CFAP74: variants seen among roughly 807,000 people sequenced by gnomAD.
The protein encoded by CFAP74 is cilia and flagella associated protein 74.
CFAP74 carries 124 observed loss-of-function variants against 188.9 expected under a neutral mutation model. The ratio of observed to expected loss-of-function variants is 0.66; its 90% confidence interval spans 0.57 to 0.76. The LOEUF (loss-of-function observed/expected upper bound fraction) is 0.76. CFAP74 is among the 30% of genes least tolerant of loss of function. The pLI, the probability that CFAP74 is intolerant of heterozygous loss-of-function variation, is 0.00. For synonymous variants in CFAP74, 956 were observed against 916.7 expected, an observed-to-expected ratio of 1.04 and a Z score of -0.77; for missense variants, 2,198 against 2,165.2, an observed-to-expected ratio of 1.02 and a Z score of -0.30.
rs1657177876 is a variant in CFAP74 at position 1,985,499 on chromosome 1, G to A, written c.396-9C>T. On this transcript the variant is annotated splice_polypyrimidine_tract_variant and intron_variant, in intron 5 of 38. Coordinates refer to ENST00000682832, the MANE Select transcript of CFAP74 (RefSeq NM_001304360.2). ...GGCGGCCCACAGCGGCCCTGCAGTG[G>A]TGAACGGACAGGCCGGGCGTGTGTC... 3 of 1,610,932 alleles carry A rather than the reference G, an allele frequency of 1.9e-6. No homozygotes were observed. The highest frequency in any genetic ancestry group is 1.3e-5 in the African/African-American group (1 of 74,878).
intron 6 of CFAP74, among the ~76,000 whole-genome samples, chr1:1,976,399 C>T (rs1007952009): frequency 6.6e-6 from 1 of 152,250 alleles, no homozygotes; most frequent in East Asian, 1.9e-4. Context: ...CCTCTTGCTT[C>T]CCCTCTCACC....
At chr1:1,963,038 G>A (rs571631702) in intron 14 of CFAP74, among the ~76,000 whole-genome samples, 1 of 152,194 alleles carries the variant, frequency 6.6e-6, no homozygotes, top group African/African-American at 2.4e-5. Flanking sequence ...GTGAAAGCAC[G>A]GCCTTAATTC....
At chr1:1,950,431 C>A (rs2102056009) in intron 18 of CFAP74, among the ~76,000 whole-genome samples, 1 of 151,954 alleles carries the variant, frequency 6.6e-6, no homozygotes, top group East Asian at 1.9e-4. Context: ...ACTCCGCCTC[C>A]CAGGTTCAAG....
chr1:1,957,735 G>A (rs535862610), intron 16 of CFAP74, among the ~76,000 whole-genome samples: 1 of 151,922 alleles, frequency 6.6e-6, no homozygotes, highest in South Asian at 2.1e-4. Context: ...CTCCCAGGCT[G>A]AGCAGGAGGG....
intron 18 of CFAP74, among the ~76,000 whole-genome samples, chr1:1,948,470 C>G (rs924687895): frequency 1.3e-5 from 2 of 150,836 alleles, no homozygotes; most frequent in African/African-American, 4.9e-5. Context: ...TTATATTGCC[C>G]AGGCTGATCG....
intron 18 of CFAP74, among the ~76,000 whole-genome samples, chr1:1,951,653 C>G (rs61123457): frequency 0.073 from 11,153 of 152,170 alleles, 572 homozygotes; most frequent in South Asian, 0.19. Flanking sequence ...GTTATAATCA[C>G]CTTGTCAATT....
chr1:1,961,505 C>T (rs1294490439), intron 14 of CFAP74, among the ~76,000 whole-genome samples: 1 of 152,130 alleles, frequency 6.6e-6, no homozygotes, highest in Non-Finnish European at 1.5e-5. Flanking sequence ...GAGAAAATAA[C>T]CGTCCATGAG....
rs1311023347 is a variant in CFAP74 at position 1,926,260 on chromosome 1, C to T, written c.3916G>A (p.Val1306Met). The T allele has an allele frequency of 5.9e-6, 9 of 1,532,046 alleles. No homozygotes were observed. The highest frequency in any genetic ancestry group is 1.4e-5 in the African/African-American group (1 of 72,658). 94.9% of individuals were successfully genotyped at this position (1,532,046 alleles called of 1,614,324 possible). Residue 1306 changes from valine (V) to methionine (M), a missense_variant, in exon 32 of 39, where the codon GTG (valine) becomes ATG (methionine). By Grantham distance (21) the Val-to-Met change is conservative (BLOSUM62 1). Coordinates refer to ENST00000682832, the MANE Select transcript of CFAP74 (RefSeq NM_001304360.2). ...LLRAGGTQVL[V>M]LSFSPHESIL... ...CTCTCGTGGGGAGAGAAGGAAAGCA[C>T]CAGGACCTGGGTCCCACCTGCACGC...
chr1:1,944,519 C>T, intron 20 of CFAP74, 67 bp from the exon 21 acceptor site: 5 of 1,497,766 alleles, frequency 3.3e-6, no homozygotes, highest in Non-Finnish European at 4.5e-6. Flanking sequence ...TTGGTGAGCA[C>T]TGACACAGCT....
chr1:1,930,171 GC>G lies in CFAP74; in HGVS notation c.3176del (p.Arg1059ProfsTer54). ...SMSSPTHSKP[R>X]IGSEDASPMG... ...TGGGAGAGGCGTCCTCTGAGCCAAT[GC>G]GGGGCTTGGAGTGGGTCGGTGAGCT... On this transcript the variant is annotated frameshift_variant, in exon 26 of 39. Transcript: ENST00000682832. LOFTEE classifies it high-confidence loss of function. The G allele has an allele frequency of 6.5e-7, 1 of 1,535,696 alleles. No homozygotes were observed.
chr1:1,951,865 G>GT (rs79247616), intron 18 of CFAP74, among the ~76,000 whole-genome samples: 58,073 of 152,006 alleles, frequency 0.38, 13,611 homozygotes, highest in Admixed American at 0.52. Flanking sequence ...GAGGTCAGGA[G>GT]TTTGAGGCCA....
intron 6 of CFAP74, among the ~76,000 whole-genome samples, chr1:1,980,073 G>T (rs550541080): frequency 5.5e-4 from 78 of 142,636 alleles, no homozygotes; most frequent in Non-Finnish European, 1.0e-3. Flanking sequence ...CTTACCGCGT[G>T]GGGAGGACGG....
Position 1,966,505 on chromosome 1 carries a change from G to T in CFAP74, c.1267C>A (p.Pro423Thr), listed in dbSNP as rs760358107. Residue 423 changes from proline to threonine, a missense_variant, in exon 12 of 39, where the codon CCC (proline) becomes ACC (threonine). Transcript: ENST00000682832. The part of the protein sequence containing the change: ...YTLDYEAAAG[P>T]GPSRLLEVVS... ...ACTTCCAGCAACCGAGAGGGCCCGG[G>T]GCCTGCAGCAGCCTCGTAGTCCTGC... 1 of 1,581,228 alleles carries T rather than the reference G, an allele frequency of 6.3e-7. No homozygotes were observed.
chr1:1,955,292 C>T (rs1179569367), intron 18 of CFAP74: 29 of 1,296,706 alleles, frequency 2.2e-5, no homozygotes, highest in East Asian at 1.6e-4. Flanking sequence ...GGGCAGGGCC[C>T]GCCCGTTTCT....
chr1:1,986,634 C>T (rs1347559180), intron 5 of CFAP74, among the ~76,000 whole-genome samples: 1 of 152,226 alleles, frequency 6.6e-6, no homozygotes, highest in African/African-American at 2.4e-5. Context: ...GCATGCAGGC[C>T]TCTCACCTCT....
chr1:1,947,881 T>G (rs1191861658), intron 18 of CFAP74, among the ~76,000 whole-genome samples: 1 of 152,056 alleles, frequency 6.6e-6, no homozygotes, highest in East Asian at 1.9e-4. Context: ...CTGTTCTTTT[T>G]TTTTTCTTTT....
At chr1:1,929,905 G>A (rs568208354) in intron 26 of CFAP74, among the ~76,000 whole-genome samples, 155 bp downstream of exon 26, 5 of 152,214 alleles carry the variant, frequency 3.3e-5, no homozygotes, top group Non-Finnish European at 5.9e-5. Context: ...ATCCTTCCTC[G>A]GCCCTGCTCG....
At chr1:2,000,069 C>T (rs1294343373) in intron 1 of CFAP74, among the ~76,000 whole-genome samples, 1 of 151,986 alleles carries the variant, frequency 6.6e-6, no homozygotes, top group African/African-American at 2.4e-5. Flanking sequence ...GAGGTTGAAG[C>T]AGGAGAGTTG....
intron 11 of CFAP74, among the ~76,000 whole-genome samples, chr1:1,966,965 T>C (rs1655516650): frequency 6.6e-6 from 1 of 151,916 alleles, no homozygotes; most frequent in African/African-American, 2.4e-5. Context: ...GCCTCCCGAG[T>C]AGCTGGGATT....
Sources: gnomAD v4.1 joint callset for allele counts (sites outside exome capture counted in the v4.1 genomes callset) on GRCh38, gnomAD v4.1.1 for gene constraint, MANE v1.5 for transcripts, NCBI Gene and HGNC (gene_info 2026-07-23, HGNC 2026-07-21) for gene names.